Variants in MPZL1 observed in about 807,000 individuals in gnomAD.
MPZL1 encodes myelin protein zero like 1, also known as myelin protein zero-like protein 1.
Under a neutral mutation model 29.3 loss-of-function variants are expected in MPZL1, and 16 were observed. The ratio of observed to expected loss-of-function variants is 0.55; its 90% confidence interval spans 0.37 to 0.83. The LOEUF is 0.83. Ranked by LOEUF, MPZL1 falls within the 40% of genes least tolerant of loss-of-function variation. The pLI is 0.00. For synonymous variants in MPZL1, 143 were observed against 132.0 expected, an observed-to-expected ratio of 1.08 and a Z score of -0.57; for missense variants, 279 against 332.9, an observed-to-expected ratio of 0.84 and a Z score of 1.26.
At chr1:167,731,345 G>A (rs1035656216) in intron 1 of MPZL1, among the ~76,000 whole-genome samples, 5 of 151,770 alleles carry the variant, frequency 3.3e-5, no homozygotes, top group African/African-American at 4.8e-5. Context: ...GCTGAGGCAC[G>A]AGAATCGCTT....
intron 1 of MPZL1, among the ~76,000 whole-genome samples, chr1:167,739,880 A>G (rs1296893805): frequency 2.0e-5 from 3 of 152,134 alleles, no homozygotes; most frequent in Admixed American, 6.5e-5. Context: ...CAAGCACCAT[A>G]TCCTTTTATA....
chr1:167,736,289 T>C (rs1660376108), intron 1 of MPZL1, among the ~76,000 whole-genome samples: 1 of 152,200 alleles, frequency 6.6e-6, no homozygotes, highest in African/African-American at 2.4e-5. Context: ...TTTTTGTCTG[T>C]TTGTTGACAG....
intron 1 of MPZL1, among the ~76,000 whole-genome samples, chr1:167,761,943 C>T (rs945375732): frequency 6.6e-6 from 1 of 152,038 alleles, no homozygotes; most frequent in African/African-American, 2.4e-5. Flanking sequence ...TGAAGACATG[C>T]TGGGATTTTA....
rs1661711267 is a variant in MPZL1, at chr1:167,791,332, CTG to C, written c.*3412_*3413del. The C allele has an allele frequency of 6.6e-6, 1 of 152,224 alleles. No individual in the cohort carries two copies. The highest frequency in any genetic ancestry group is 2.4e-5 in the African/African-American group (1 of 41,456). The allele number at this position is 152,224 out of a possible 1,614,324, so 9.4% of individuals were successfully genotyped here. Reference sequence around the variant, plus strand: ...GCATTCATCCATTCAGCAACCTACACTGAGAACAATCCTGTGCCAAGCACTGT... The same window carrying C: ...GCATTCATCCATTCAGCAACCTACACAGAACAATCCTGTGCCAAGCACTGT... On this transcript the variant is annotated 3_prime_UTR_variant, in exon 6 of 6. Coordinates refer to ENST00000359523, the MANE Select transcript of MPZL1 (RefSeq NM_003953.6).
At chr1:167,750,670 A>T (rs888446904) in intron 1 of MPZL1, among the ~76,000 whole-genome samples, 4 of 152,226 alleles carry the variant, frequency 2.6e-5, no homozygotes, top group Non-Finnish European at 5.9e-5. Flanking sequence ...GACTAAGGAC[A>T]TCATGTTATA....
At chr1:167,743,236 G>C (rs2101760315) in intron 1 of MPZL1, among the ~76,000 whole-genome samples, 1 of 151,612 alleles carries the variant, frequency 6.6e-6, no homozygotes, top group South Asian at 2.1e-4. Context: ...CTTCGAGACA[G>C]AGTCTCGCTC....
chr1:167,725,110 A>G (rs1367317308), intron 1 of MPZL1, among the ~76,000 whole-genome samples: 1 of 152,230 alleles, frequency 6.6e-6, no homozygotes, highest in African/African-American at 2.4e-5. Flanking sequence ...CTAATTGTGC[A>G]GGCCAGAAAC....
rs561354277 is a variant in MPZL1 at position 167,769,467 on chromosome 1, A to T, written c.259-2808A>T. Among the ~76,000 whole-genome samples, 44 of 152,272 alleles carry T rather than the reference A, an allele frequency of 2.9e-4. No individual in the cohort carries two copies. The South Asian group carries it at 8.7e-3, about 30-fold the overall frequency. On this transcript the variant is annotated intron_variant, in intron 2 of 5. Coordinates refer to ENST00000359523, the MANE Select transcript of MPZL1 (RefSeq NM_003953.6). ...GATGCAACGCCTCTGCCTGCACAAC[A>T]TCCATGTGAGCCCCTCCATGTCATG... is the stretch of plus-strand genomic sequence containing the variant.
chr1:167,741,839 C>G (rs2101758948), intron 1 of MPZL1, among the ~76,000 whole-genome samples: 2 of 152,096 alleles, frequency 1.3e-5, no homozygotes, highest in Middle Eastern at 3.4e-3. Flanking sequence ...TCAAGACCGG[C>G]CTGGGCAACA....
chr1:167,728,987 C>T (rs75305317), intron 1 of MPZL1, among the ~76,000 whole-genome samples: 3 of 151,990 alleles, frequency 2.0e-5, no homozygotes, highest in Non-Finnish European at 2.9e-5. Flanking sequence ...TGTTATCGGC[C>T]GGGCATGGTG....
Position 167,744,683 on chromosome 1 carries a change from C to CAAAA in MPZL1, c.92-20886_92-20883dup, listed in dbSNP as rs3075159. ...TGGGCGAAAGAGCGAAACTCAGTCT[C>CAAAA]AAAAAAAAAAAAAAAAAGAACCTCC... On this transcript the variant is annotated intron_variant, in intron 1 of 5. Transcript: ENST00000359523. Among the ~76,000 whole-genome samples the CAAAA allele has an allele frequency of 1.0e-4, 13 of 126,918 alleles. No individual in the cohort carries two copies. The East Asian group carries it at 2.1e-3, about 20-fold the overall frequency. The allele number at this position is 126,918 out of a possible 152,430, so 83.3% of individuals were successfully genotyped here. A position where few individuals can be genotyped will look rare whatever the true frequency, so the allele number is the denominator to read the frequency against.
At chr1:167,769,353 G>A (rs1241026565) in intron 2 of MPZL1, among the ~76,000 whole-genome samples, 29 of 152,136 alleles carry the variant, frequency 1.9e-4, no homozygotes, top group Admixed American at 1.9e-3. Flanking sequence ...TATAGTAAAG[G>A]TAGTGTCTCC....
intron 1 of MPZL1, among the ~76,000 whole-genome samples, chr1:167,738,519 T>C (rs1660429931): frequency 6.6e-6 from 1 of 152,168 alleles, no homozygotes; most frequent in South Asian, 2.1e-4. Flanking sequence ...TGGCTCTGTG[T>C]CCCCACCCAA....
At chr1:167,762,381 AAT>A (rs1661006971) in intron 1 of MPZL1, among the ~76,000 whole-genome samples, 1 of 152,230 alleles carries the variant, frequency 6.6e-6, no homozygotes, top group African/African-American at 2.4e-5. Context: ...ATGAACTGCG[AAT>A]TGGGCAGCCT....
chr1:167,739,301 A>ATATATATG (rs2101756061), intron 1 of MPZL1, among the ~76,000 whole-genome samples: 1 of 114,106 alleles, frequency 8.8e-6, no homozygotes, highest in Admixed American at 8.2e-5. Context: ...ATATATATAT[A>ATATATATG]TATATATACA....
At chr1:167,725,978 A>C (rs1660137209) in intron 1 of MPZL1, among the ~76,000 whole-genome samples, 1 of 152,216 alleles carries the variant, frequency 6.6e-6, no homozygotes, top group Non-Finnish European at 1.5e-5. Context: ...GTTAAAATGC[A>C]AATCAGATCA....
Position 167,781,790 on chromosome 1 carries a change from T to C in MPZL1, c.708+5624T>C, listed in dbSNP as rs79172702. On this transcript the variant is annotated intron_variant, in intron 5 of 5. Transcript: ENST00000359523. The stretch of plus-strand genomic sequence containing the variant: ...TAATCTGTCGCTTCTCTCTGGCTGC[T>C]TTTCGGATCTTCTTTATGCCTTTGG... Among the ~76,000 whole-genome samples the C allele has an allele frequency of 3.1e-3, 472 of 152,284 alleles. 1 individual carries two copies. Among genetic ancestry groups the C allele is most frequent in the Admixed American group, 8.0e-3 (123 of 15,288 alleles).
intron 1 of MPZL1, among the ~76,000 whole-genome samples, chr1:167,757,097 T>C (rs1660885014): frequency 6.6e-6 from 1 of 152,196 alleles, no homozygotes; most frequent in Admixed American, 6.5e-5. Context: ...CTTTGTGCCA[T>C]CCAGCCAAGA....
Position 167,787,820 on chromosome 1 carries a change from G to A in MPZL1, c.709G>A (p.Gly237Ser), listed in dbSNP as rs1311927381. ...VKSLPSGSHQ[G>S]PVIYAQLDHS... The stretch of plus-strand genomic sequence containing the variant: ...TAATCCTTCTGCTTCCCTTTTCCAG[G>A]GCCCAGTCATATATGCACAGTTAGA... The change falls in exon 6 of 6, where the codon GGC becomes AGC. Residue 237 changes from glycine to serine, a missense_variant and splice_region_variant. By Grantham distance (56) the Gly-to-Ser change is moderately conservative (BLOSUM62 0). Coordinates refer to ENST00000359523, the MANE Select transcript of MPZL1 (RefSeq NM_003953.6). The A allele has an allele frequency of 6.2e-7, 1 of 1,609,862 alleles. No homozygotes were observed. The highest frequency in any genetic ancestry group is 8.5e-7 in the Non-Finnish European group (1 of 1,176,418).
Sources: gnomAD v4.1 joint callset for allele counts (sites outside exome capture counted in the v4.1 genomes callset) on GRCh38, gnomAD v4.1.1 for gene constraint, MANE v1.5 for transcripts, NCBI Gene and HGNC (gene_info 2026-07-23, HGNC 2026-07-21) for gene names.